CSMD1: variants seen among roughly 807,000 people sequenced by gnomAD.
The protein encoded by CSMD1 is CUB and Sushi multiple domains 1.
Under a neutral mutation model 417.5 loss-of-function variants are expected in CSMD1, and 213 were observed. That is an observed-to-expected ratio of 0.51 (90% CI 0.46 to 0.57). The LOEUF is 0.57. Among genes scored for constraint, CSMD1 ranks in the 20% least tolerant of loss-of-function variants. The pLI is 0.00. For synonymous variants in CSMD1, 2,862 were observed against 1,736.8 expected (o/e 1.65, Z -16.11); for missense variants, 6,923 against 4,529.7 (o/e 1.53, Z -15.17).
rs141026461 is a variant in CSMD1 at position 3,421,460 on chromosome 8, C to T, written c.1562-11855G>A. On this transcript the variant is annotated intron_variant, in intron 12 of 69. Coordinates refer to ENST00000635120, the MANE Select transcript of CSMD1 (RefSeq NM_033225.6). ...AGAGAAACATCATTCTCTACCTTAT[C>T]AAAGACTTCATTTTATTTACACAAA... is the stretch of plus-strand genomic sequence containing the variant. Among the ~76,000 whole-genome samples, 32 of 152,314 alleles carry T rather than the reference C, an allele frequency of 2.1e-4. 1 individual carries two copies. The East Asian group carries it at 4.2e-3, about 20-fold the overall frequency.
At chr8:3,253,555 C>T (rs1025389142) in intron 26 of CSMD1, among the ~76,000 whole-genome samples, 1 of 152,162 alleles carries the variant, frequency 6.6e-6, no homozygotes, top group African/African-American at 2.4e-5. Context: ...CCACTTGGAG[C>T]AGTGCTGAGT....
intron 1 of CSMD1, among the ~76,000 whole-genome samples, chr8:4,940,756 T>C (rs1807942005): frequency 6.6e-6 from 1 of 152,210 alleles, no homozygotes; most frequent in African/African-American, 2.4e-5. Context: ...CAGGTGGTAA[T>C]GCTTCAACAT....
At chr8:2,946,651 T>C (rs1387989778) in intron 68 of CSMD1, among the ~76,000 whole-genome samples, 1 of 152,226 alleles carries the variant, frequency 6.6e-6, no homozygotes, top group African/African-American at 2.4e-5. Flanking sequence ...TTGATAGACA[T>C]TTTGGTTGTA....
chr8:3,593,828 C>G (rs1056700895), intron 8 of CSMD1, among the ~76,000 whole-genome samples: 1 of 152,076 alleles, frequency 6.6e-6, no homozygotes, highest in African/African-American at 2.4e-5. Flanking sequence ...CTCTTTCTCC[C>G]TATCTCCCTC....
At chr8:4,380,094 G>T (rs943893989) in intron 3 of CSMD1, among the ~76,000 whole-genome samples, 1 of 152,062 alleles carries the variant, frequency 6.6e-6, no homozygotes, top group Non-Finnish European at 1.5e-5. Flanking sequence ...AAAGTAAATG[G>T]GAGAAAAATA....
intron 2 of CSMD1, among the ~76,000 whole-genome samples, chr8:4,490,795 T>A (rs560963850): frequency 8.5e-5 from 13 of 152,284 alleles, no homozygotes; most frequent in African/African-American, 3.1e-4. Flanking sequence ...TTAATTCAGT[T>A]CTAGGTGTTT....
intron 2 of CSMD1, among the ~76,000 whole-genome samples, chr8:4,477,692 T>C (rs529008547): frequency 3.9e-5 from 6 of 152,306 alleles, no homozygotes; most frequent in African/African-American, 1.2e-4. Context: ...CCCCAAAGGA[T>C]AGACTGAAAC....
chr8:4,292,611 A>C (rs1040952541), intron 3 of CSMD1, among the ~76,000 whole-genome samples: 1 of 152,164 alleles, frequency 6.6e-6, no homozygotes, highest in Non-Finnish European at 1.5e-5. Flanking sequence ...TAATACATGT[A>C]AACATGTTGA....
intron 40 of CSMD1, 95 bp downstream of exon 40, chr8:3,151,302 A>T: frequency 2.7e-6 from 2 of 744,590 alleles, no homozygotes; most frequent in Admixed American, 4.4e-5. Context: ...AGATACAGTT[A>T]TGCCAACAGA....
intron 1 of CSMD1, among the ~76,000 whole-genome samples, chr8:4,729,249 G>C (rs1187146522): frequency 6.6e-6 from 1 of 152,060 alleles, no homozygotes; most frequent in Non-Finnish European, 1.5e-5. Flanking sequence ...TGCTGACGAG[G>C]AAAGAAAATA....
intron 3 of CSMD1, among the ~76,000 whole-genome samples, chr8:4,122,579 G>T (rs766084208): frequency 6.6e-6 from 1 of 152,104 alleles, no homozygotes; most frequent in African/African-American, 2.4e-5. Context: ...GGAGGACATC[G>T]CATGCCCTAC....
intron 1 of CSMD1, among the ~76,000 whole-genome samples, chr8:4,789,664 CAG>C (rs1305256467): frequency 2.0e-5 from 3 of 152,002 alleles, no homozygotes; most frequent in Non-Finnish European, 2.9e-5. Flanking sequence ...AGCTGTATGT[CAG>C]AATTTAGCAT....
chr8:3,841,644 G>A (rs757421064), intron 5 of CSMD1, among the ~76,000 whole-genome samples: 3 of 151,952 alleles, frequency 2.0e-5, no homozygotes, highest in Non-Finnish European at 4.4e-5. Context: ...CACATTTTTA[G>A]AGGTTCAAAT....
At chr8:4,647,412 G>A (rs1047238314) in intron 1 of CSMD1, among the ~76,000 whole-genome samples, 3 of 148,044 alleles carry the variant, frequency 2.0e-5, no homozygotes, top group Admixed American at 6.6e-5. Flanking sequence ...AGGTAGGTAC[G>A]CGTGTGCCAC....
At chr8:3,270,683 T>C (rs895254578) in intron 26 of CSMD1, among the ~76,000 whole-genome samples, 2 of 152,178 alleles carry the variant, frequency 1.3e-5, no homozygotes, top group African/African-American at 4.8e-5. Flanking sequence ...ATAATAAACA[T>C]ACAAAACCAT....
At chr8:4,591,150 T>A (rs1347011377) in intron 2 of CSMD1, among the ~76,000 whole-genome samples, 4 of 152,254 alleles carry the variant, frequency 2.6e-5, no homozygotes, top group African/African-American at 9.6e-5. Flanking sequence ...TTTCTTCAGT[T>A]GTGTGTTGAG....
chr8:3,787,615 T>G (rs185065893), intron 5 of CSMD1, among the ~76,000 whole-genome samples: 1 of 152,126 alleles, frequency 6.6e-6, no homozygotes, highest in Non-Finnish European at 1.5e-5. Context: ...GTTAATTCTG[T>G]ATAAGTATTT....
chr8:4,594,749 A>C (rs148724549), intron 2 of CSMD1, among the ~76,000 whole-genome samples: 1 of 152,290 alleles, frequency 6.6e-6, no homozygotes, highest in East Asian at 1.9e-4. Flanking sequence ...TCACATGGCT[A>C]TCTTTCCTCC....
At chr8:4,768,724 C>T (rs1446766362) in intron 1 of CSMD1, among the ~76,000 whole-genome samples, 1 of 152,174 alleles carries the variant, frequency 6.6e-6, no homozygotes, top group African/African-American at 2.4e-5. Flanking sequence ...CACCAAACTC[C>T]CCAGGAGTGT....
Sources: gnomAD v4.1 joint callset for allele counts (sites outside exome capture counted in the v4.1 genomes callset) on GRCh38, gnomAD v4.1.1 for gene constraint, MANE v1.5 for transcripts, NCBI Gene and HGNC (gene_info 2026-07-23, HGNC 2026-07-21) for gene names.